The following APOL5 variants were observed in gnomAD, a reference collection of about 807,000 sequenced individuals.
APOL5 encodes the protein apolipoprotein L5, also known as apolipoprotein L, 5.
In APOL5, 29 loss-of-function variants were observed where a neutral mutation model predicts 35.5. The observed-to-expected ratio is 0.82, with a 90% CI of 0.61 to 1.11. The LOEUF (loss-of-function observed/expected upper bound fraction) is 1.11. Ranked by LOEUF, APOL5 falls within the 50% of genes most tolerant of loss-of-function variation. APOL5 has a pLI of 0.00. For synonymous variants in APOL5, 188 were observed against 200.2 expected (o/e 0.94, Z 0.51); for missense variants, 514 against 530.4 (o/e 0.97, Z 0.30).
chr22:35,711,966 C>T, the APOL5 span, among the ~76,000 whole-genome samples: 58 of 152,128 alleles, frequency 3.8e-4, no homozygotes, highest in East Asian at 1.5e-3. Context: ...TGAGCCACCG[C>T]GCCCAGCCTT....
intron 1 of APOL5, 40 bp downstream of exon 1, chr22:35,717,966 C>A: frequency 6.7e-7 from 1 of 1,490,098 alleles, no homozygotes; most frequent in Non-Finnish European, 9.0e-7. Context: ...GCAATTCTCA[C>A]GTTGTACAAA....
At chr22:35,718,482 G>T (rs1436208999) in intron 1 of APOL5, among the ~76,000 whole-genome samples, 1 of 151,452 alleles carries the variant, frequency 6.6e-6, no homozygotes, top group Non-Finnish European at 1.5e-5. Context: ...AGCCAGGCTG[G>T]TAGTGCACAC....
chr22:35,720,808 C>T lies in APOL5; in HGVS notation c.142+154C>T, dbSNP rs573641837. 2.0e-4 allele frequency among the ~76,000 whole-genome samples: 30 copies of T among 152,306 alleles called. No individual in the cohort carries two copies. In the South Asian group the frequency reaches 2.9e-3, roughly 15 times the overall value. ...TTGCCCAGGTTGGAGTGCAGTGGCA[C>T]GATCTCGGCTCACTGCAACCTCTGC... On this transcript the variant is annotated intron_variant, in intron 2 of 4. Transcript: ENST00000249044.
chr22:35,721,627 T>C (rs1431443134), intron 2 of APOL5, among the ~76,000 whole-genome samples: 1 of 152,100 alleles, frequency 6.6e-6, no homozygotes, highest in Non-Finnish European at 1.5e-5. Context: ...GGCAATGGAA[T>C]CCTAGAAGCA....
the APOL5 span, among the ~76,000 whole-genome samples, chr22:35,710,340 C>A: frequency 2.0e-5 from 3 of 150,342 alleles, no homozygotes; most frequent in South Asian, 6.3e-4. Context: ...CAGGGTCTCA[C>A]TTTGTTGTCC....
chr22:35,722,531 C>T (rs983030700), intron 2 of APOL5, among the ~76,000 whole-genome samples: 3 of 152,164 alleles, frequency 2.0e-5, no homozygotes, highest in Admixed American at 2.0e-4. Flanking sequence ...GAACTCCTGA[C>T]CTCAAGTGAT....
intron 2 of APOL5, among the ~76,000 whole-genome samples, chr22:35,725,328 C>A (rs1420915646): frequency 6.6e-6 from 1 of 152,036 alleles, no homozygotes; most frequent in Admixed American, 6.5e-5. Context: ...TGCAGTGGCG[C>A]TATTTCGGCT....
chr22:35,715,716 C>G (rs927470141), upstream of APOL5, among the ~76,000 whole-genome samples: 1 of 152,258 alleles, frequency 6.6e-6, no homozygotes, highest in South Asian at 2.1e-4. Context: ...AGGTCTTATT[C>G]TAAGTGTTGT....
chr22:35,720,495 C>T, intron 1 of APOL5, 73 bp from the exon 2 acceptor site: 1 of 1,356,706 alleles, frequency 7.4e-7, no homozygotes, highest in Non-Finnish European at 1.0e-6. Flanking sequence ...GCCAACTTTC[C>T]CGGAGCACTG....
rs551183784 is a variant in APOL5 at position 35,723,452 on chromosome 22, T to TG, written c.143-2759_143-2758insG. Among the ~76,000 whole-genome samples the TG allele has an allele frequency of 3.9e-5, 6 of 152,332 alleles. No individual in the cohort carries two copies. In the South Asian group the frequency reaches 1.2e-3, roughly 32 times the overall value. ...CAAAGGTCTTGCAGAACTCTGAAGT[T>TG]CCAGATACTGAGCCAAAATGATTCA... On this transcript the variant is annotated intron_variant, in intron 2 of 4. Coordinates refer to ENST00000249044, the MANE Select transcript of APOL5 (RefSeq NM_030642.1).
intron 1 of APOL5, among the ~76,000 whole-genome samples, chr22:35,719,432 C>T (rs1264605828): frequency 6.6e-6 from 1 of 152,134 alleles, no homozygotes; most frequent in African/African-American, 2.4e-5. Context: ...TGGACTGTGC[C>T]TCTCTCAGGG....
At chr22:35,714,772 G>C (rs1466832471), upstream of APOL5, among the ~76,000 whole-genome samples, 1 of 152,222 alleles carries the variant, frequency 6.6e-6, no homozygotes, top group Non-Finnish European at 1.5e-5. Flanking sequence ...CGTGTTGAGA[G>C]AGGAGGCAGG....
Position 35,720,607 on chromosome 22 carries a change from T to C in APOL5, c.95T>C (p.Val32Ala). ...EGCKEMWLRKVIYGGEVWGKS... is the reference protein window; with the variant it reads ...EGCKEMWLRKAIYGGEVWGKS... ...TGTAAAGAAATGTGGCTTCGAAAGG[T>C]AATCTACGGAGGTGAGGTCTGGGGG... Residue 32 changes from valine to alanine, a missense_variant, in exon 2 of 5, where the codon GTA becomes GCA. Physicochemically the swap from Val to Ala is moderately conservative, Grantham distance 64. This residue lies in a region of APOL5 where 254 missense variants were observed against 254.7 expected (regional missense o/e 1.00). Coordinates refer to ENST00000249044, the MANE Select transcript of APOL5 (RefSeq NM_030642.1). 2 of 1,614,144 alleles carry C rather than the reference T, an allele frequency of 1.2e-6. No homozygotes were observed. Among genetic ancestry groups the C allele is most frequent in the Non-Finnish European group, 1.7e-6 (2 of 1,180,024 alleles).
chr22:35,713,576 C>CCGCCACTCATCGCCT (rs1157230311), upstream of APOL5, among the ~76,000 whole-genome samples: 1 of 152,208 alleles, frequency 6.6e-6, no homozygotes, highest in African/African-American at 2.4e-5. Context: ...GTATGGCGCC[C>CCGCCACTCATCGCCT]CGCCACTCAT....
chr22:35,715,398 C>T (rs1391705560), upstream of APOL5, among the ~76,000 whole-genome samples: 1 of 152,150 alleles, frequency 6.6e-6, no homozygotes, highest in African/African-American at 2.4e-5. Context: ...AATCCCAGCA[C>T]TTTGAGAGGC....
upstream of APOL5, among the ~76,000 whole-genome samples, chr22:35,715,927 C>G (rs1402491943): frequency 6.6e-6 from 1 of 151,898 alleles, no homozygotes; most frequent in Non-Finnish European, 1.5e-5. Flanking sequence ...AATAATGGGA[C>G]AAATCAAAGT....
chr22:35,728,958 A>C, intron 4 of APOL5, 54 bp downstream of exon 4: 11 of 1,480,408 alleles, frequency 7.4e-6, no homozygotes, highest in East Asian at 2.6e-5. Flanking sequence ...CAGTGAAGTA[A>C]CCCCTCCTTG....
Position 35,726,527 on chromosome 22 carries a change from C to G in APOL5, c.459C>G (p.Ile153Met). 1.2e-6 allele frequency: 2 copies of G among 1,614,202 alleles called. No homozygotes were observed. The highest frequency in any genetic ancestry group is 1.7e-6 in the Non-Finnish European group (2 of 1,180,034). ...SSGAVSGVMN[I>M]LGLALAPVTA... ...GGGCTGTTTCTGGGGTCATGAACAT[C>G]CTGGGTTTGGCCCTAGCACCTGTGA... The change falls in exon 3 of 5, where the codon ATC becomes ATG. Residue 153 changes from isoleucine to methionine, a missense_variant. By Grantham distance (10) the Ile-to-Met change is conservative. Transcript: ENST00000249044.
chr22:35,717,878 T>G lies in APOL5; in HGVS notation c.7T>G (p.Cys3Gly). Residue 3 changes from cysteine to glycine, a missense_variant, in exon 1 of 5, where the codon TGT becomes GGT. Transcript: ENST00000249044. MP[C>G]GKQGNLQVPG... ...ATTTTAAAAAATCTAAAGCATGCCA[T>G]GTGGCAAACAAGGAAATTTGCAAGT... 6.3e-7 allele frequency: 1 copy of G among 1,578,748 alleles called. No individual in the cohort carries two copies.
Sources: gnomAD v4.1 joint callset for allele counts (sites outside exome capture counted in the v4.1 genomes callset) on GRCh38, gnomAD v4.1.1 for gene constraint, gnomAD v4.1.1 regional missense constraint, MANE v1.5 for transcripts, NCBI Gene and HGNC (gene_info 2026-07-23, HGNC 2026-07-21) for gene names.